The following NINL variants were observed in gnomAD, a reference collection of about 807,000 sequenced individuals.
NINL encodes ninein-like protein.
Under a neutral mutation model 160.3 loss-of-function variants are expected in NINL, and 153 were observed. That is an observed-to-expected ratio of 0.95 (90% CI 0.84 to 1.09). NINL has a LOEUF of 1.09. Among genes scored for constraint, NINL ranks in the 50% least tolerant of loss-of-function variants. The pLI is 0.00. For missense variants in NINL, 1,829 were observed against 1,764.0 expected (o/e 1.04, Z -0.66); for synonymous variants, 800 against 734.8 (o/e 1.09, Z -1.43).
intron 1 of NINL, among the ~76,000 whole-genome samples, chr20:25,558,209 ATT>A (rs2147120856): frequency 6.6e-6 from 1 of 152,156 alleles, no homozygotes; most frequent in South Asian, 2.1e-4. Flanking sequence ...TCATTTATTT[ATT>A]TCTTTATTTA....
chr20:25,516,729 T>TG (rs2064166261), intron 3 of NINL, among the ~76,000 whole-genome samples: 1 of 152,078 alleles, frequency 6.6e-6, no homozygotes, highest in South Asian at 2.1e-4. Context: ...ATATGGCTAG[T>TG]GGGGGGCTGA....
At chr20:25,470,664 T>G (rs1456361174) in intron 17 of NINL, among the ~76,000 whole-genome samples, 1 of 152,118 alleles carries the variant, frequency 6.6e-6, no homozygotes, top group Non-Finnish European at 1.5e-5. Flanking sequence ...GTAATGCCAT[T>G]GATTTGATAG....
intron 8 of NINL, among the ~76,000 whole-genome samples, chr20:25,500,022 C>T (rs2146778980): frequency 6.6e-6 from 1 of 150,686 alleles, no homozygotes; most frequent in African/African-American, 2.4e-5. Flanking sequence ...AAAAGCTCTG[C>T]AGTACACCCA....
In NINL at chr20:25,542,697, TAAAAAAAAAAAAAAAAAAAAAAAAA is replaced by T. The variant is rs71185304; in HGVS notation, c.-11-16124_-11-16100del. Reference sequence around the variant, plus strand: ...ACTTCTCTAATAAACTTGCTTTCACTAAAAAAAAAAAAAAAAAAAAAAAAAAAAAAAAAAAAAAAAAAAAAAAAAA... The same window carrying T: ...ACTTCTCTAATAAACTTGCTTTCACTAAAAAAAAAAAAAAAAAAAAAAAAA... On this transcript the variant is annotated intron_variant, in intron 1 of 23. Transcript: ENST00000278886. 1.4e-3 allele frequency among the ~76,000 whole-genome samples: 73 copies of T among 51,388 alleles called. 1 individual carries two copies. Among genetic ancestry groups the T allele is most frequent in the Admixed American group, 1.8e-3 (5 of 2,772 alleles). The allele number at this position is 51,388 out of a possible 152,430, so 33.7% of individuals were successfully genotyped here.
At chr20:25,575,446 C>CA (rs1167252309) in intron 1 of NINL, among the ~76,000 whole-genome samples, 1,070 of 43,492 alleles carry the variant, frequency 0.025, 10 homozygotes, top group Non-Finnish European at 0.028. Context: ...GACTCCGTCT[C>CA]AAAAAAAAAA....
At chr20:25,581,725 C>G (rs1397667877) in intron 1 of NINL, among the ~76,000 whole-genome samples, 1 of 152,188 alleles carries the variant, frequency 6.6e-6, no homozygotes, top group Non-Finnish European at 1.5e-5. Flanking sequence ...GGAACTTGAA[C>G]TCACTGTAAA....
At chr20:25,463,201 C>CAT (rs913334978) in intron 19 of NINL, among the ~76,000 whole-genome samples, 8 of 152,264 alleles carry the variant, frequency 5.3e-5, no homozygotes, top group Middle Eastern at 6.8e-3. Flanking sequence ...AACACACACA[C>CAT]ATCTAGGCCA....
rs57981279 is a variant in NINL at position 25,570,694 on chromosome 20, C to CTTTT, written c.-12+14757_-12+14760dup. 1.5e-3 allele frequency among the ~76,000 whole-genome samples: 134 copies of CTTTT among 90,970 alleles called. 3 individuals carry two copies. Among genetic ancestry groups the CTTTT allele is most frequent in the African/African-American group, 1.8e-3 (40 of 22,412 alleles). 59.7% of individuals were successfully genotyped at this position (90,970 alleles called of 152,430 possible). The stretch of plus-strand genomic sequence containing the variant: ...ATGTCAGAGATCCTGGGCAAGTAGA[C>CTTTT]TTTTTTTTTTTTTTTTTTTTTTTTG... On this transcript the variant is annotated intron_variant, in intron 1 of 23. Coordinates refer to ENST00000278886, the MANE Select transcript of NINL (RefSeq NM_025176.6).
intron 15 of NINL, among the ~76,000 whole-genome samples, chr20:25,479,461 C>A (rs1244719389): frequency 6.6e-6 from 1 of 152,214 alleles, no homozygotes; most frequent in Non-Finnish European, 1.5e-5. Flanking sequence ...TCGGGGCTCA[C>A]TGGAGCATTT....
intron 6 of NINL, among the ~76,000 whole-genome samples, chr20:25,504,493 G>T (rs1251042647): frequency 6.6e-6 from 1 of 152,240 alleles, no homozygotes; most frequent in Non-Finnish European, 1.5e-5. Context: ...CTCCCACCCA[G>T]GAGGAGAAGG....
intron 1 of NINL, among the ~76,000 whole-genome samples, chr20:25,585,102 G>A (rs1487629429): frequency 6.6e-6 from 1 of 152,160 alleles, no homozygotes; most frequent in African/African-American, 2.4e-5. Context: ...TACCACGGGG[G>A]GCCCCGGCCA....
intron 5 of NINL, among the ~76,000 whole-genome samples, chr20:25,507,871 C>T (rs2063992844): frequency 6.6e-6 from 1 of 152,188 alleles, no homozygotes; most frequent in Admixed American, 6.5e-5. Context: ...CTTAGGCTGG[C>T]AGAAGAGGTC....
At chr20:25,486,285 T>C (rs1601108604) in intron 13 of NINL, among the ~76,000 whole-genome samples, 1 of 152,264 alleles carries the variant, frequency 6.6e-6, no homozygotes, top group African/African-American at 2.4e-5. Flanking sequence ...TCTGAATAAA[T>C]AGGTTAGCAT....
chr20:25,570,110 G>A (rs1360239122), intron 1 of NINL, among the ~76,000 whole-genome samples: 1 of 152,164 alleles, frequency 6.6e-6, no homozygotes. Context: ...AACACAGGAG[G>A]CAGAGGGTGC....
chr20:25,482,896 C>T (rs1267364869), intron 13 of NINL, among the ~76,000 whole-genome samples: 6 of 151,562 alleles, frequency 4.0e-5, no homozygotes, highest in South Asian at 2.1e-4. Context: ...TGGTGGCATG[C>T]GCCTGTAATC....
At chr20:25,481,943 C>A (rs1281655454) in intron 14 of NINL, 25 bp downstream of exon 14, 1 of 1,591,544 alleles carries the variant, frequency 6.3e-7, no homozygotes, top group Admixed American at 1.7e-5. Context: ...CTTGGGTCAG[C>A]CCCCTCCCAG....
At chr20:25,502,274 G>A (rs2063884541) in intron 7 of NINL, among the ~76,000 whole-genome samples, 4 of 152,160 alleles carry the variant, frequency 2.6e-5, no homozygotes. Context: ...GAGCCACCAT[G>A]CCCGGCCCTC....
intron 17 of NINL, among the ~76,000 whole-genome samples, chr20:25,472,375 T>G (rs2063126122): frequency 7.6e-6 from 1 of 131,222 alleles, no homozygotes; most frequent in African/African-American, 2.7e-5. Context: ...ATACTTTTTT[T>G]TTGTTTTTGA....
intron 1 of NINL, among the ~76,000 whole-genome samples, chr20:25,546,966 G>A (rs147318763): frequency 1.3e-5 from 2 of 152,190 alleles, no homozygotes; most frequent in African/African-American, 4.8e-5. Flanking sequence ...CCCTGCATGT[G>A]CCTGTGTCCT....
Sources: allele counts gnomAD v4.1 joint callset (sites outside exome capture counted in the v4.1 genomes callset), GRCh38; gene constraint gnomAD v4.1.1; transcripts MANE v1.5; gene names NCBI Gene and HGNC (gene_info 2026-07-23, HGNC 2026-07-21).